Variants in EVPLL observed in about 807,000 individuals in gnomAD.
EVPLL encodes the protein envoplakin like.
In EVPLL, 39 loss-of-function variants were observed where a neutral mutation model predicts 46.2. That is an observed-to-expected ratio of 0.84 (90% confidence interval 0.65 to 1.10). EVPLL has a LOEUF of 1.10. EVPLL is among the 50% of genes least tolerant of loss of function. The pLI is 0.00. For synonymous variants in EVPLL, 156 were observed against 165.8 expected, an observed-to-expected ratio of 0.94 and a Z score of 0.46; for missense variants, 385 against 412.6, an observed-to-expected ratio of 0.93 and a Z score of 0.58.
rs1172052899 is a variant in EVPLL, at chr17:18,383,015, C to G, written c.512-10C>G. 1.3e-6 allele frequency: 2 copies of G among 1,560,548 alleles called. No individual in the cohort carries two copies. The highest frequency in any genetic ancestry group is 2.3e-5 in the South Asian group (2 of 85,608). On this transcript the variant is annotated splice_polypyrimidine_tract_variant and intron_variant, in intron 6 of 10. Coordinates refer to ENST00000399134, the MANE Select transcript of EVPLL (RefSeq NM_001145127.2). ...CCCACCCTGCTGCTGGCGGCGGGTC[C>G]TGAGCACAGAGGGCGGCGTCGTGGC...
chr17:18,383,088 G>T lies in EVPLL; in HGVS notation c.575G>T (p.Trp192Leu). Residue 192 changes from tryptophan (W) to leucine (L), a missense_variant, in exon 7 of 11, where the codon TGG (tryptophan) becomes TTG (leucine). Coordinates refer to ENST00000399134, the MANE Select transcript of EVPLL (RefSeq NM_001145127.2). ...QPVHALQGCT[W>L]QLSALAEQQR... is the part of the protein sequence containing the mutation. The stretch of plus-strand genomic sequence containing the variant: ...GTACACGCACTGCAGGGCTGCACGT[G>T]GCAGCTGAGCGCCCTGGCGGAGCAG... 1 of 1,552,698 alleles carries T rather than the reference G, an allele frequency of 6.4e-7. No homozygotes were observed. The highest frequency in any genetic ancestry group is 2.4e-5 in the East Asian group (1 of 41,744).
At chr17:18,379,025 A>G (rs1987475255) in intron 1 of EVPLL, among the ~76,000 whole-genome samples, 1 of 152,238 alleles carries the variant, frequency 6.6e-6, no homozygotes, top group Non-Finnish European at 1.5e-5. Flanking sequence ...GGCTGCAGTG[A>G]GCCGTGATCA....
At position 18,382,519 on chromosome 17, in the gene EVPLL, G is replaced by C. The variant is rs889469717; in HGVS notation, c.353G>C (p.Gly118Ala). 19 of 1,551,612 alleles carry C rather than the reference G, an allele frequency of 1.2e-5. No homozygotes were observed. The highest frequency in any genetic ancestry group is 1.7e-5 in the Non-Finnish European group (19 of 1,147,010). Residue 118 changes from glycine to alanine, a missense_variant, in exon 5 of 11, where the codon GGT becomes GCT. Physicochemically the swap from Gly to Ala is moderately conservative, Grantham distance 60. Transcript: ENST00000399134. ...GCCGCCGGCTCTCCTGCAGAAGCTG[G>C]TCTGCGCAGGCCAGTATGGGCCGGG... ...GTRAGAETEA[G>A]LRRPVWAGHG...
intron 1 of EVPLL, 139 bp downstream of exon 1, chr17:18,378,122 C>T (rs1987442033): frequency 5.7e-6 from 2 of 351,014 alleles, no homozygotes; most frequent in Non-Finnish European, 1.0e-5. Flanking sequence ...GACAAAGGGC[C>T]CAGGGGTGGA....
chr17:18,380,676 A>G lies in EVPLL; in HGVS notation c.-36-226A>G, dbSNP rs573794906. 11 of 491,384 alleles carry G rather than the reference A, an allele frequency of 2.2e-5. No homozygotes were observed. The East Asian group carries it at 3.3e-4, about 15-fold the overall frequency. The allele number at this position is 491,384 out of a possible 1,614,324, so 30.4% of individuals were successfully genotyped here. On this transcript the variant is annotated intron_variant, in intron 1 of 10. Coordinates refer to ENST00000399134, the MANE Select transcript of EVPLL (RefSeq NM_001145127.2). ...GGCCGCCTGACACCCAGCACCACACAGACCTGAGACCCTCACCTTTTGACC... is the reference window on the plus strand; with the variant it reads ...GGCCGCCTGACACCCAGCACCACACGGACCTGAGACCCTCACCTTTTGACC...
In EVPLL at chr17:18,377,947, A is replaced by AG; in HGVS notation, c.-69dup. 1 of 1,081,266 alleles carries AG rather than the reference A, an allele frequency of 9.2e-7. No individual in the cohort carries two copies. Among genetic ancestry groups the AG allele is most frequent in the Non-Finnish European group, 1.3e-6 (1 of 781,574 alleles). 67.0% of individuals were successfully genotyped at this position (1,081,266 alleles called of 1,614,324 possible). ...GGGTCCCCCAAGGACTCCCCAGCCA[A>AG]GGGGTCCCCCAAAGGCTCCCCCAGC... On this transcript the variant is annotated 5_prime_UTR_variant, in exon 1 of 11. It removes the in-frame stop codon of an upstream open reading frame in the 5' UTR. Transcript: ENST00000399134.
At chr17:18,378,271 G>A (rs984323360) in intron 1 of EVPLL, among the ~76,000 whole-genome samples, 15 of 152,320 alleles carry the variant, frequency 9.8e-5, no homozygotes, top group Admixed American at 3.3e-4. Flanking sequence ...GAGAAGTGCC[G>A]GACAGGAGCC....
At chr17:18,384,885 C>T (rs584300) in intron 9 of EVPLL, among the ~76,000 whole-genome samples, 91,609 of 151,870 alleles carry the variant, frequency 0.6, 28,314 homozygotes, top group African/African-American at 0.68. Flanking sequence ...CTGGCTTCAG[C>T]TCGTCTGCAG....
Position 18,380,966 on chromosome 17 carries a change from G to C in EVPLL, c.29G>C (p.Arg10Pro), listed in dbSNP as rs199807942. 8.1e-6 allele frequency: 13 copies of C among 1,596,982 alleles called. No homozygotes were observed. Among genetic ancestry groups the C allele is most frequent in the Non-Finnish European group, 9.4e-6 (11 of 1,172,520 alleles). MQASADQVE[R>P]DILETQKRLQ... ...CAAGCCAGCGCCGACCAGGTGGAGC[G>C]GGACATCCTGGAGACGCAGAAGAGG... The change falls in exon 2 of 11, where the codon CGG (arginine) becomes CCG (proline). Residue 10 changes from arginine (R) to proline (P), a missense_variant. Physicochemically the swap from Arg to Pro is moderately radical, Grantham distance 103. Coordinates refer to ENST00000399134, the MANE Select transcript of EVPLL (RefSeq NM_001145127.2).
intron 1 of EVPLL, 33 bp downstream of exon 1, chr17:18,378,016 G>C (rs759580828): frequency 5.9e-4 from 388 of 662,168 alleles, no homozygotes; most frequent in Middle Eastern, 4.5e-3. Flanking sequence ...GAGCCAGGGA[G>C]CTAGGGTGGG....
At chr17:18,385,183 C>T (rs1366262498) in intron 9 of EVPLL, among the ~76,000 whole-genome samples, 3 of 141,714 alleles carry the variant, frequency 2.1e-5, no homozygotes, top group Non-Finnish European at 4.6e-5. Flanking sequence ...CTGCTCGCAG[C>T]CCCTGAGAGT....
At chr17:18,383,800 C>T in intron 9 of EVPLL, 1 of 552,908 alleles carries the variant, frequency 1.8e-6, no homozygotes, top group Non-Finnish European at 3.2e-6. Flanking sequence ...TGGTGAAACC[C>T]TGTCTCTACT....
At position 18,382,421 on chromosome 17, in the gene EVPLL, G is replaced by T. The variant is rs1987608785; in HGVS notation, c.347-92G>T. The T allele has an allele frequency of 4.0e-6, 6 of 1,517,034 alleles. No individual in the cohort carries two copies. The African/African-American group carries it at 6.9e-5, about 17-fold the overall frequency. 94.0% of individuals were successfully genotyped at this position (1,517,034 alleles called of 1,614,324 possible). A position where few individuals can be genotyped will look rare whatever the true frequency, so the allele number is the denominator to read the frequency against. On this transcript the variant is annotated intron_variant, in intron 4 of 10. Transcript: ENST00000399134. The stretch of plus-strand genomic sequence containing the variant: ...AGGCTCGTCCACGCTCTGCCCAAAT[G>T]ACCAAGTCCACTTCTCCGGGTGGGA...
In EVPLL at chr17:18,388,990, C is replaced by T. The variant is rs1987863699; in HGVS notation, c.*174C>T. 7.5e-6 allele frequency: 1 copy of T among 134,076 alleles called. No homozygotes were observed. The highest frequency in any genetic ancestry group is 2.4e-4 in the South Asian group (1 of 4,110). The allele number at this position is 134,076 out of a possible 1,614,324, so 8.3% of individuals were successfully genotyped here. On this transcript the variant is annotated 3_prime_UTR_variant, in exon 11 of 11. Transcript: ENST00000399134. ...CTCCAGAGTCCTCCGGGCCCTGCACCGATACAGCCAAAGACCAGCAAAGCG... is the reference window on the plus strand; with the variant it reads ...CTCCAGAGTCCTCCGGGCCCTGCACTGATACAGCCAAAGACCAGCAAAGCG...
chr17:18,384,574 A>G (rs1987707999), intron 9 of EVPLL, among the ~76,000 whole-genome samples: 1 of 152,124 alleles, frequency 6.6e-6, no homozygotes, highest in Non-Finnish European at 1.5e-5. Context: ...TACAAAAAAT[A>G]TACAAAAATT....
intron 9 of EVPLL, among the ~76,000 whole-genome samples, chr17:18,383,942 T>G (rs1016605109): frequency 6.6e-6 from 1 of 152,012 alleles, no homozygotes; most frequent in Admixed American, 6.6e-5. Flanking sequence ...CACTGCATTC[T>G]AGCCTGGGTG....
intron 9 of EVPLL, among the ~76,000 whole-genome samples, chr17:18,384,019 G>T (rs1299740616): frequency 6.6e-6 from 1 of 152,118 alleles, no homozygotes; most frequent in Admixed American, 6.6e-5. Context: ...CGGTCCCAGA[G>T]GGAAGGAAAG....
In EVPLL at chr17:18,381,256, G is replaced by C. The variant is rs1987559918; in HGVS notation, c.64-111G>C. 6.9e-7 allele frequency: 1 copy of C among 1,444,430 alleles called. No individual in the cohort carries two copies. The highest frequency in any genetic ancestry group is 1.4e-5 in the African/African-American group (1 of 70,152). 89.5% of individuals were successfully genotyped at this position (1,444,430 alleles called of 1,614,324 possible). A position where few individuals can be genotyped will look rare whatever the true frequency, so the allele number is the denominator to read the frequency against. On this transcript the variant is annotated intron_variant, in intron 2 of 10. Transcript: ENST00000399134. This position sits in a 1 kb window ranked among gnomAD's most constrained non-coding sequence, Gnocchi z 4.2. ...ACCCTGTGCCTGGCGTGGGCCTCGA[G>C]GTTGGCCAGCATAGCTGGGGTCCCA...
At chr17:18,380,487 T>G (rs1598094249) in intron 1 of EVPLL, 1 of 174,262 alleles carries the variant, frequency 5.7e-6, no homozygotes. Flanking sequence ...GAGGTGGGGG[T>G]GGGGGGCATG....
Sources: allele counts gnomAD v4.1 joint callset (sites outside exome capture counted in the v4.1 genomes callset), GRCh38; gene constraint gnomAD v4.1.1; non-coding constraint Gnocchi (gnomAD v3.1); transcripts MANE v1.5; gene names NCBI Gene and HGNC (gene_info 2026-07-23, HGNC 2026-07-21).